CTSV: variants seen among roughly 807,000 people sequenced by gnomAD.
CTSV encodes the protein cathepsin L2.
Under a neutral mutation model 35.6 loss-of-function variants are expected in CTSV, and 33 were observed. The ratio of observed to expected loss-of-function variants is 0.93; its 90% confidence interval spans 0.70 to 1.24. The LOEUF (loss-of-function observed/expected upper bound fraction) is 1.24. CTSV is among the 50% of genes most tolerant of loss of function. The pLI, the probability that CTSV is intolerant of heterozygous loss-of-function variation, is 0.00. For missense variants in CTSV, 408 were observed against 413.1 expected, an observed-to-expected ratio of 0.99 and a Z score of 0.11; for synonymous variants, 154 against 147.1, an observed-to-expected ratio of 1.05 and a Z score of -0.34.
chr9:97,033,363 C>T (rs1358995544), intron 7 of CTSV, among the ~76,000 whole-genome samples: 1 of 151,018 alleles, frequency 6.6e-6, no homozygotes, highest in Non-Finnish European at 1.5e-5. Context: ...AATCCCAGCA[C>T]TTTGGGAGGC....
chr9:97,036,800 G>C, intron 4 of CTSV, 53 bp from the exon 5 acceptor site: 1 of 1,340,458 alleles, frequency 7.5e-7, no homozygotes, highest in Non-Finnish European at 1.0e-6. Context: ...TACAAATACA[G>C]TACCCCATAA....
chr9:97,038,151 C>T lies in CTSV; in HGVS notation c.-10-98G>A. The T allele has an allele frequency of 2.3e-6, 3 of 1,308,866 alleles. No individual in the cohort carries two copies. In the South Asian group the frequency reaches 4.3e-5, roughly 19 times the overall value. The allele number at this position is 1,308,866 out of a possible 1,614,324, so 81.1% of individuals were successfully genotyped here. A position where few individuals can be genotyped will look rare whatever the true frequency, so the allele number is the denominator to read the frequency against. On this transcript the variant is annotated intron_variant, in intron 1 of 7. Transcript: ENST00000259470. ...GAAATATTTCAATTATTCTCCCTAG[C>T]ATTTCCCCAAGGACTGTGGAAGAGG...
chr9:97,031,547 C>T lies in CTSV; in HGVS notation c.*1402G>A, dbSNP rs776816271. On this transcript the variant is annotated 3_prime_UTR_variant, in exon 8 of 8. Transcript: ENST00000259470. ...ACGAGTTAAATAACCACCCATAATT[C>T]ACCCACAAGTTTGGTGTACTTTCTT... The T allele has an allele frequency of 2.0e-5, 3 of 152,210 alleles. No homozygotes were observed. The highest frequency in any genetic ancestry group is 4.4e-5 in the Non-Finnish European group (3 of 68,026). 9.4% of individuals were successfully genotyped at this position (152,210 alleles called of 1,614,324 possible).
chr9:97,037,736 G>T, intron 2 of CTSV, 121 bp from the exon 3 acceptor site: 2 of 1,459,852 alleles, frequency 1.4e-6, no homozygotes, highest in Non-Finnish European at 9.3e-7. Context: ...ATACTTCTCT[G>T]GGAGCTGTTC....
At chr9:97,037,196 C>G (rs950847640) in intron 4 of CTSV, 56 bp downstream of exon 4, 5 of 1,567,452 alleles carry the variant, frequency 3.2e-6, no homozygotes, top group Non-Finnish European at 3.5e-6. Flanking sequence ...AGCAATGACA[C>G]CAATTCCTTC....
At chr9:97,037,106 TCAAA>T (rs1412174883) in intron 4 of CTSV, 142 bp downstream of exon 4, 8 of 854,408 alleles carry the variant, frequency 9.4e-6, no homozygotes, top group Non-Finnish European at 1.4e-5. Context: ...AAACTCCGTC[TCAAA>T]CAAGCAAACA....
intron 1 of CTSV, among the ~76,000 whole-genome samples, chr9:97,038,868 C>A (rs1004117044): frequency 3.9e-5 from 6 of 152,190 alleles, no homozygotes; most frequent in Admixed American, 3.9e-4. Flanking sequence ...GACTGACCTG[C>A]CCCGCCCGGG....
At chr9:97,038,178 T>A (rs1828890226) in intron 1 of CTSV, 125 bp from the exon 2 acceptor site, 1 of 1,062,180 alleles carries the variant, frequency 9.4e-7, no homozygotes, top group African/African-American at 1.6e-5. Flanking sequence ...TGGAAGAGGC[T>A]GAAACAGGCC....
rs1321472765 is a variant in CTSV at position 97,037,622 on chromosome 9, G to C, written c.127-7C>G. 6.2e-7 allele frequency: 1 copy of C among 1,613,460 alleles called. No individual in the cohort carries two copies. Among genetic ancestry groups the C allele is most frequent in the African/African-American group, 1.3e-5 (1 of 74,838 alleles). On this transcript the variant is annotated splice_region_variant and splice_polypyrimidine_tract_variant and intron_variant, in intron 2 of 7. Transcript: ENST00000259470. The stretch of plus-strand genomic sequence containing the variant: ...TCCTCCATCCTTCTTCATTCTAGAG[G>C]CAAACATATAGCTGGTGGACTTTAT...
chr9:97,036,952 C>T (rs1388128076), intron 4 of CTSV, among the ~76,000 whole-genome samples: 1 of 151,572 alleles, frequency 6.6e-6, no homozygotes, highest in Non-Finnish European at 1.5e-5. Flanking sequence ...TAAAAATACA[C>T]AAAAATTAGC....
At chr9:97,036,420 T>C (rs1472701947) in intron 5 of CTSV, 103 bp downstream of exon 5, 1 of 852,270 alleles carries the variant, frequency 1.2e-6, no homozygotes, top group Non-Finnish European at 2.0e-6. Context: ...ATGTAGATTC[T>C]ACCATATAAA....
Position 97,038,068 on chromosome 9 carries a change from G to T in CTSV, c.-10-15C>A, listed in dbSNP as rs770634393. 2.5e-6 allele frequency: 4 copies of T among 1,611,270 alleles called. No individual in the cohort carries two copies. The highest frequency in any genetic ancestry group is 4.5e-5 in the East Asian group (2 of 44,778). ...TGTTTCAAAACCTAGAAAGAGAAAA[G>T]AAATGAGTATCTGATTAGACCAATC... is the stretch of plus-strand genomic sequence containing the variant. On this transcript the variant is annotated splice_polypyrimidine_tract_variant and intron_variant, in intron 1 of 7. Coordinates refer to ENST00000259470, the MANE Select transcript of CTSV (RefSeq NM_001333.4).
At position 97,037,907 on chromosome 9, in the gene CTSV, A is replaced by T. The variant is rs1240326352; in HGVS notation, c.126+11T>A. 1 of 1,613,704 alleles carries T rather than the reference A, an allele frequency of 6.2e-7. No individual in the cohort carries two copies. Among genetic ancestry groups the T allele is most frequent in the Non-Finnish European group, 8.5e-7 (1 of 1,179,714 alleles). ...CCAGAGTCCCTCTGGACAGTTTCAGATGTTACCAACCGCGCCATATAATCT... is the reference window on the plus strand; with the variant it reads ...CCAGAGTCCCTCTGGACAGTTTCAGTTGTTACCAACCGCGCCATATAATCT... On this transcript the variant is annotated intron_variant, in intron 2 of 7. Transcript: ENST00000259470.
rs766894046 is a variant in CTSV at position 97,037,351 on chromosome 9, T to C, written c.297A>G (p.Lys99=). 1.9e-6 allele frequency: 3 copies of C among 1,614,206 alleles called. No homozygotes were observed. Among genetic ancestry groups the C allele is most frequent in the Non-Finnish European group, 2.5e-6 (3 of 1,180,030 alleles). Residue 99 remains lysine, a synonymous_variant, in exon 4 of 8, where the codon AAA becomes AAG. Transcript: ENST00000259470. ...CACGGAACACTTTCCCCTTCCTGAATTTCTGGTTTCGAAAGCAACCCATCA... is the reference window on the plus strand; with the variant it reads ...CACGGAACACTTTCCCCTTCCTGAACTTCTGGTTTCGAAAGCAACCCATCA... The part of the protein sequence containing the change: ...RQMMGCFRNQ[K]FRKGKVFREP...
rs1323680703 is a variant in CTSV at position 97,037,936 on chromosome 9, G to C, written c.108C>G (p.His36Gln). The C allele has an allele frequency of 1.2e-6, 2 of 1,614,088 alleles. No individual in the cohort carries two copies. Among genetic ancestry groups the C allele is most frequent in the Admixed American group, 3.3e-5 (2 of 60,014 alleles). The change falls in exon 2 of 8, where the codon CAC (histidine) becomes CAG (glutamine). Residue 36 changes from histidine to glutamine, a missense_variant. By Grantham distance (24) the His-to-Gln change is conservative. Coordinates refer to ENST00000259470, the MANE Select transcript of CTSV (RefSeq NM_001333.4). ...TACCAACCGCGCCATATAATCTTCTGTGTGTTGCCTTCCACTGGTACCACT... is the reference window on the plus strand; with the variant it reads ...TACCAACCGCGCCATATAATCTTCTCTGTGTTGCCTTCCACTGGTACCACT... ...DTKWYQWKAT[H>Q]RRLYGANEEG...
chr9:97,038,521 C>T (rs1828897464), intron 1 of CTSV: 1 of 154,888 alleles, frequency 6.5e-6, no homozygotes, highest in Admixed American at 6.3e-5. Context: ...TGGAATAAAA[C>T]CTTTCGGGAA....
chr9:97,036,464 G>C, intron 5 of CTSV, 59 bp downstream of exon 5: 2 of 1,209,478 alleles, frequency 1.7e-6, no homozygotes, highest in Non-Finnish European at 2.5e-6. Context: ...TGTTATCTCT[G>C]AAAGTGTTCC....
rs577258940 is a variant in CTSV, at chr9:97,030,472, A to G, written c.*2477T>C. On this transcript the variant is annotated 3_prime_UTR_variant, in exon 8 of 8. Transcript: ENST00000259470. The stretch of plus-strand genomic sequence containing the variant: ...AGCTTGGTCATGGAGACCCTAACCC[A>G]GAGGCGCTAGAGAAATTAAAGACAC... 3 of 152,306 alleles carry G rather than the reference A, an allele frequency of 2.0e-5. No homozygotes were observed. The highest frequency in any genetic ancestry group is 7.2e-5 in the African/African-American group (3 of 41,566). The allele number at this position is 152,306 out of a possible 1,614,324, so 9.4% of individuals were successfully genotyped here. A position where few individuals can be genotyped will look rare whatever the true frequency, so the allele number is the denominator to read the frequency against.
At position 97,030,990 on chromosome 9, in the gene CTSV, CTT is replaced by C. The variant is rs1405494722; in HGVS notation, c.*1957_*1958del. 2 of 152,188 alleles carry C rather than the reference CTT, an allele frequency of 1.3e-5. No homozygotes were observed. The highest frequency in any genetic ancestry group is 2.9e-5 in the Non-Finnish European group (2 of 68,034). 9.4% of individuals were successfully genotyped at this position (152,188 alleles called of 1,614,324 possible). On this transcript the variant is annotated 3_prime_UTR_variant, in exon 8 of 8. Transcript: ENST00000259470. Reference sequence around the variant, plus strand: ...TTTAGACAACACATCAGGTTTGTAACTTTTCACAAGTTTAAAATATTTCAAAG... The same window carrying C: ...TTTAGACAACACATCAGGTTTGTAACTTCACAAGTTTAAAATATTTCAAAG...
Sources: gnomAD v4.1 joint callset for allele counts (sites outside exome capture counted in the v4.1 genomes callset) on GRCh38, gnomAD v4.1.1 for gene constraint, MANE v1.5 for transcripts, NCBI Gene and HGNC (gene_info 2026-07-23, HGNC 2026-07-21) for gene names.